TRIM24: variants seen among roughly 807,000 people sequenced by gnomAD.
TRIM24 encodes tripartite motif containing 24.
A neutral mutation model predicts 123.9 loss-of-function variants in TRIM24; 29 were observed. The observed-to-expected ratio is 0.23, with a 90% confidence interval of 0.17 to 0.32. The LOEUF (loss-of-function observed/expected upper bound fraction) is 0.32. Ranked by LOEUF, TRIM24 falls within the 10% of genes least tolerant of loss-of-function variation. The probability of loss-of-function intolerance (pLI) is 1.00; values close to 1 mark genes in which losing one functional copy is unlikely to be tolerated. For synonymous variants in TRIM24, 456 were observed against 461.1 expected (o/e 0.99, Z 0.14); for missense variants, 932 against 1,295.3 (o/e 0.72, Z 4.31).
Position 138,502,694 on chromosome 7 carries a change from A to G in TRIM24, c.365-1596A>G, listed in dbSNP as rs533449569. Among the ~76,000 whole-genome samples the G allele has an allele frequency of 4.6e-5, 7 of 152,332 alleles. No homozygotes were observed. In the South Asian group the frequency reaches 1.4e-3, roughly 32 times the overall value. On this transcript the variant is annotated intron_variant, in intron 1 of 18. Transcript: ENST00000343526. ...GCTGTGTGAAGCTGGAGGCATAATGAAAATTACGTTTACTCCATCTTCTCT... is the reference window on the plus strand; with the variant it reads ...GCTGTGTGAAGCTGGAGGCATAATGGAAATTACGTTTACTCCATCTTCTCT...
intron 1 of TRIM24, among the ~76,000 whole-genome samples, chr7:138,463,015 A>G (rs1286423750): frequency 7.2e-6 from 1 of 138,898 alleles, no homozygotes; most frequent in Admixed American, 7.5e-5. Context: ...GATTACAGGC[A>G]TGCGCCACCA....
chr7:138,525,390 A>C, intron 5 of TRIM24, 33 bp downstream of exon 5: 1 of 1,233,910 alleles, frequency 8.1e-7, no homozygotes, highest in Non-Finnish European at 1.1e-6. Context: ...TCATTTTTAT[A>C]TAATTTGTTA....
intron 7 of TRIM24, among the ~76,000 whole-genome samples, chr7:138,549,887 C>T (rs1376451479): frequency 1.3e-5 from 2 of 152,074 alleles, no homozygotes; most frequent in African/African-American, 4.8e-5. Context: ...TAACTAGAAA[C>T]ATGGACGTTT....
chr7:138,503,670 C>T (rs1466497694), intron 1 of TRIM24, among the ~76,000 whole-genome samples: 1 of 150,966 alleles, frequency 6.6e-6, no homozygotes, highest in Non-Finnish European at 1.5e-5. Context: ...TACATGTGCA[C>T]AACGTGCAGG....
intron 1 of TRIM24, among the ~76,000 whole-genome samples, chr7:138,480,309 A>C (rs1795500077): frequency 6.6e-6 from 1 of 152,150 alleles, no homozygotes; most frequent in Non-Finnish European, 1.5e-5. Flanking sequence ...GTAATGGTGA[A>C]TGCTGTAACC....
chr7:138,558,536 G>T (rs1343079502), intron 9 of TRIM24, among the ~76,000 whole-genome samples: 1 of 152,144 alleles, frequency 6.6e-6, no homozygotes, highest in Non-Finnish European at 1.5e-5. Flanking sequence ...AGACATGTAG[G>T]CTACTGACTA....
intron 1 of TRIM24, 29 bp downstream of exon 1, chr7:138,460,941 C>A: frequency 7.1e-7 from 1 of 1,402,830 alleles, no homozygotes; most frequent in Non-Finnish European, 9.2e-7. Context: ...CGCTGGGGAG[C>A]CCGGGGAGAG....
In TRIM24 at chr7:138,589,341, G is replaced by GT. The variant is rs1472358243; in HGVS notation, c.*4394dup. The GT allele has an allele frequency of 1.3e-5, 2 of 152,048 alleles. No homozygotes were observed. The highest frequency in any genetic ancestry group is 2.9e-5 in the Non-Finnish European group (2 of 67,994). The allele number at this position is 152,048 out of a possible 1,614,324, so 9.4% of individuals were successfully genotyped here. ...TTTTTGGGGGCAGATTGGTGCTTTG[G>GT]TTTTAATAAAAACTAACTTTGATGG... On this transcript the variant is annotated 3_prime_UTR_variant, in exon 19 of 19. Transcript: ENST00000343526.
chr7:138,465,770 G>A (rs1431222623), intron 1 of TRIM24, among the ~76,000 whole-genome samples: 1 of 152,114 alleles, frequency 6.6e-6, no homozygotes, highest in East Asian at 1.9e-4. Context: ...CCTGTTAGTA[G>A]GTATCAGTAT....
At chr7:138,578,757 ACT>A (rs3837056) in intron 14 of TRIM24, among the ~76,000 whole-genome samples, 34,513 of 152,122 alleles carry the variant, frequency 0.23, 4,847 homozygotes, top group East Asian at 0.49. Context: ...AGTGCTTTTA[ACT>A]ATATCTACAT....
chr7:138,526,819 G>C (rs1413098931), intron 5 of TRIM24, among the ~76,000 whole-genome samples: 1 of 151,874 alleles, frequency 6.6e-6, no homozygotes, highest in African/African-American at 2.4e-5. Context: ...ATAATTGGTG[G>C]GTTTAAACTT....
rs564112295 is a variant in TRIM24 at position 138,487,096 on chromosome 7, A to C, written c.365-17194A>C. ...TTCCTAGGTATTTTATTCTCTTTGA[A>C]GCAATTGTGAATGGGAGTTCACTCA... On this transcript the variant is annotated intron_variant, in intron 1 of 18. Transcript: ENST00000343526. Among the ~76,000 whole-genome samples, 90 of 152,232 alleles carry C rather than the reference A, an allele frequency of 5.9e-4. No individual in the cohort carries two copies. In the South Asian group the frequency reaches 0.018, roughly 30 times the overall value.
chr7:138,504,443 AGCTCTTTTT>A, intron 2 of TRIM24, 35 bp downstream of exon 2: 1 of 641,472 alleles, frequency 1.6e-6, no homozygotes, highest in East Asian at 4.0e-5. Flanking sequence ...TTTGCCTGCC[AGCTCTTTTT>A]TTTTTTTTTT....
chr7:138,512,801 C>G (rs1212089748), intron 2 of TRIM24, among the ~76,000 whole-genome samples: 1 of 152,154 alleles, frequency 6.6e-6, no homozygotes, highest in Non-Finnish European at 1.5e-5. Flanking sequence ...GGCCTTCCCC[C>G]TACCCCCAGT....
chr7:138,522,981 T>C (rs568898475), intron 4 of TRIM24, among the ~76,000 whole-genome samples: 6 of 152,350 alleles, frequency 3.9e-5, no homozygotes, highest in South Asian at 2.1e-4. Context: ...ATTTATATTA[T>C]TAAATGCATA....
At chr7:138,537,751 C>T (rs1796922654) in intron 6 of TRIM24, among the ~76,000 whole-genome samples, 1 of 152,166 alleles carries the variant, frequency 6.6e-6, no homozygotes, top group Non-Finnish European at 1.5e-5. Flanking sequence ...CTACCATTTC[C>T]TCCTTAATTC....
intron 1 of TRIM24, among the ~76,000 whole-genome samples, chr7:138,478,826 T>TGAC (rs1424363772): frequency 2.0e-5 from 3 of 152,024 alleles, no homozygotes; most frequent in Non-Finnish European, 4.4e-5. Flanking sequence ...TCACTAGAGG[T>TGAC]TAGTTGGTGG....
chr7:138,582,291 C>G (rs1442292863), intron 17 of TRIM24, among the ~76,000 whole-genome samples: 2 of 152,074 alleles, frequency 1.3e-5, no homozygotes, highest in African/African-American at 4.8e-5. Context: ...GCCTATAATC[C>G]CAGCACTTTG....
Position 138,504,371 on chromosome 7 carries a change from C to A in TRIM24, c.446C>A (p.Thr149Asn). ...IIDNFFVKDT[T>N]EVPSSTVEKS... ...GATAACTTTTTTGTGAAGGACACTA[C>A]TGAGGTTCCCAGCAGTACAGTAGAA... The change falls in exon 2 of 19, where the codon ACT becomes AAT. Residue 149 changes from threonine to asparagine, a missense_variant. Physicochemically the swap from Thr to Asn is moderately conservative, Grantham distance 65 (BLOSUM62 0). Transcript: ENST00000343526. 6.2e-7 allele frequency: 1 copy of A among 1,600,532 alleles called. No individual in the cohort carries two copies. Among genetic ancestry groups the A allele is most frequent in the Non-Finnish European group, 8.5e-7 (1 of 1,174,270 alleles).
Sources: gnomAD v4.1 joint callset for allele counts (sites outside exome capture counted in the v4.1 genomes callset) on GRCh38, gnomAD v4.1.1 for gene constraint, MANE v1.5 for transcripts, NCBI Gene and HGNC (gene_info 2026-07-23, HGNC 2026-07-21) for gene names.